The following ATR variants were observed in gnomAD, a reference collection of about 807,000 sequenced individuals.
ATR encodes serine/threonine-protein kinase ATR.
In ATR, 142 loss-of-function variants were observed where a neutral mutation model predicts 305.3. That is an observed-to-expected ratio of 0.47 (90% CI 0.41 to 0.53). ATR has a LOEUF of 0.53. Ranked by LOEUF, ATR falls within the 20% of genes least tolerant of loss-of-function variation. The pLI is 0.00. For missense variants in ATR, 2,135 were observed against 3,133.1 expected (o/e 0.68, Z 7.60); for synonymous variants, 1,050 against 1,068.1 (o/e 0.98, Z 0.33).
At chr3:142,523,816 T>C (rs1320703894) in intron 22 of ATR, among the ~76,000 whole-genome samples, 177 bp downstream of exon 22, 1 of 152,226 alleles carries the variant, frequency 6.6e-6, no homozygotes, top group Non-Finnish European at 1.5e-5. Context: ...TCAAACTTTA[T>C]TGCTTTTGGC....
chr3:142,520,708 C>T (rs1013220685), intron 23 of ATR, among the ~76,000 whole-genome samples: 124 of 151,780 alleles, frequency 8.2e-4, no homozygotes, highest in African/African-American at 2.8e-3. Context: ...TCAAGGGGCG[C>T]TTCTTAAAAA....
rs544406643 is a variant in ATR at position 142,517,637 on chromosome 3, C to T, written c.4382+2032G>A. Among the ~76,000 whole-genome samples the T allele has an allele frequency of 2.0e-5, 3 of 152,152 alleles. No individual in the cohort carries two copies. In the East Asian group the frequency reaches 5.8e-4, roughly 29 times the overall value. On this transcript the variant is annotated intron_variant, in intron 24 of 46. Coordinates refer to ENST00000350721, the MANE Select transcript of ATR (RefSeq NM_001184.4). ...TAACTTCCATCATTGAGGAACCATT[C>T]GAGAGGTTATTCTAACTGCTCAGGT...
intron 9 of ATR, 44 bp downstream of exon 9, chr3:142,556,338 CT>C (rs1362460317): frequency 2.5e-6 from 4 of 1,574,692 alleles, no homozygotes; most frequent in Non-Finnish European, 3.5e-6. Context: ...CAATTATGAT[CT>C]TTCCAATAGA....
At chr3:142,465,520 C>A (rs1005076204) in intron 40 of ATR, 17 of 197,490 alleles carry the variant, frequency 8.6e-5, no homozygotes, top group Non-Finnish European at 1.5e-4. Context: ...TTTAGACACC[C>A]CCCTTCAAAG....
At chr3:142,520,589 A>T (rs2033104697) in intron 23 of ATR, among the ~76,000 whole-genome samples, 1 of 152,226 alleles carries the variant, frequency 6.6e-6, no homozygotes, top group Non-Finnish European at 1.5e-5. Flanking sequence ...TAGCCACAAC[A>T]TTCCCTTAAG....
At position 142,465,214 on chromosome 3, in the gene ATR, T is replaced by A. The variant is rs1399530759; in HGVS notation, c.6924A>T (p.Lys2308Asn). 1 of 1,611,492 alleles carries A rather than the reference T, an allele frequency of 6.2e-7. No individual in the cohort carries two copies. The highest frequency in any genetic ancestry group is 8.5e-7 in the Non-Finnish European group (1 of 1,178,446). ...AGCCTTTTAAAGAAATCTTCTTTGG[T>A]TTCTGAAGAGAAGCAAGAATTTCCA... ...DMVEILASLQ[K>N]PKKISLKGSD... The change falls in exon 41 of 47, where the codon AAA (lysine) becomes AAT (asparagine). Residue 2308 changes from lysine (K) to asparagine (N), a missense_variant. Around this residue, in one of 9 missense-constraint regions of ATR, gnomAD observed 462 missense variants for 887.6 expected, o/e 0.52. Coordinates refer to ENST00000350721, the MANE Select transcript of ATR (RefSeq NM_001184.4).
chr3:142,461,277 T>C (rs1472660257), intron 42 of ATR, among the ~76,000 whole-genome samples: 1 of 152,148 alleles, frequency 6.6e-6, no homozygotes, highest in Non-Finnish European at 1.5e-5. Flanking sequence ...GCAATAATAA[T>C]TACTATAGTG....
intron 45 of ATR, among the ~76,000 whole-genome samples, chr3:142,453,460 G>A (rs1044789189): frequency 5.9e-5 from 9 of 152,162 alleles, no homozygotes; most frequent in Admixed American, 5.2e-4. Flanking sequence ...GTGTTTTGGA[G>A]AATAGAGTAA....
At position 142,509,904 on chromosome 3, in the gene ATR, G is replaced by A. The variant is rs142601079; in HGVS notation, c.4853-1795C>T. Among the ~76,000 whole-genome samples the A allele has an allele frequency of 2.4e-4, 36 of 152,140 alleles. No homozygotes were observed. The East Asian group carries it at 5.6e-3, about 24-fold the overall frequency. Reference sequence around the variant, plus strand: ...GCCAAGGCAGGTGGATCGCCTGAGCGCAGGAGTTTGGGACCACCCTGGGCA... The same window carrying A: ...GCCAAGGCAGGTGGATCGCCTGAGCACAGGAGTTTGGGACCACCCTGGGCA... On this transcript the variant is annotated intron_variant, in intron 27 of 46. Coordinates refer to ENST00000350721, the MANE Select transcript of ATR (RefSeq NM_001184.4).
chr3:142,537,083 G>A (rs1365329238), intron 19 of ATR, among the ~76,000 whole-genome samples: 3 of 152,000 alleles, frequency 2.0e-5, no homozygotes, highest in Non-Finnish European at 4.4e-5. Context: ...TAGTCACTGG[G>A]GATGGAACAA....
At chr3:142,468,531 C>A (rs1188520606) in intron 38 of ATR, among the ~76,000 whole-genome samples, 1 of 151,914 alleles carries the variant, frequency 6.6e-6, no homozygotes, top group East Asian at 1.9e-4. Flanking sequence ...AGAAAATATA[C>A]AAATAAAATT....
rs549100339 is a variant in ATR, at chr3:142,514,887, G to A, written c.4503+508C>T. Among the ~76,000 whole-genome samples the A allele has an allele frequency of 6.6e-5, 10 of 151,258 alleles. No individual in the cohort carries two copies. The East Asian group carries it at 1.9e-3, about 29-fold the overall frequency. ...TAAATATACTGTAAACATTTTCTTGGAACACAGAGTACCTTTTGTCTATCC... is the reference window on the plus strand; with the variant it reads ...TAAATATACTGTAAACATTTTCTTGAAACACAGAGTACCTTTTGTCTATCC... On this transcript the variant is annotated intron_variant, in intron 25 of 46. Coordinates refer to ENST00000350721, the MANE Select transcript of ATR (RefSeq NM_001184.4).
chr3:142,558,686 A>G lies in ATR; in HGVS notation c.1823T>C (p.Leu608Ser), dbSNP rs764422378. ...WIYSHSDDGC[L>S]KLTTFAANLL... The stretch of plus-strand genomic sequence containing the variant: ...ATTAGCGGCAAATGTGGTCAACTTT[A>G]AACAGCCATCATCAGAATGGGAATA... The change falls in exon 8 of 47, where the codon TTA (leucine) becomes TCA (serine). Residue 608 changes from leucine (L) to serine (S), a missense_variant. Physicochemically the swap from Leu to Ser is moderately radical, Grantham distance 145. This residue lies in a region of ATR where 744 missense variants were observed against 873.2 expected (regional missense o/e 0.85). Transcript: ENST00000350721. The G allele has an allele frequency of 6.2e-7, 1 of 1,613,434 alleles. No homozygotes were observed. The highest frequency in any genetic ancestry group is 8.5e-7 in the Non-Finnish European group (1 of 1,179,550).
At chr3:142,452,093 C>A (rs574953833) in intron 46 of ATR, 2 of 1,020,182 alleles carry the variant, frequency 2.0e-6, no homozygotes, top group Non-Finnish European at 2.4e-6. Context: ...TCTTTTAGTT[C>A]TTTTAGAAGA....
At position 142,496,408 on chromosome 3, in the gene ATR, G is replaced by A. The variant is rs758234545; in HGVS notation, c.5851C>T (p.Arg1951Ter). The change falls in exon 34 of 47, where the codon CGA becomes TGA. Residue 1951 changes from arginine (R) to a stop codon, truncating the protein, a stop_gained. Transcript: ENST00000350721. LOFTEE classifies it high-confidence loss of function. Reference protein sequence around the residue: ...YNALLNAGESRLAELYVERAK... With the variant: ...YNALLNAGES ...CTTTCCACGTACAGTTCAGCGAGTC[G>A]TGATTCCCCTGCATTAAGGAGAGCA... is the stretch of plus-strand genomic sequence containing the variant. 9.4e-6 allele frequency: 15 copies of A among 1,603,446 alleles called. No homozygotes were observed. Among genetic ancestry groups the A allele is most frequent in the East Asian group, 4.5e-5 (2 of 44,306 alleles).
intron 38 of ATR, among the ~76,000 whole-genome samples, chr3:142,468,992 T>G (rs2071193264): frequency 6.6e-6 from 1 of 151,980 alleles, no homozygotes; most frequent in Admixed American, 6.6e-5. Context: ...TCCTGTTTCT[T>G]AAGGGAAAAA....
rs767960733 is a variant in ATR, at chr3:142,560,238, C to T, written c.1541+25G>A. ...CAAGTTCATTACAGGAAACCCAACC[C>T]CAAGAAACAAGAAGTTTGTTTTACC... On this transcript the variant is annotated intron_variant, in intron 6 of 46. Coordinates refer to ENST00000350721, the MANE Select transcript of ATR (RefSeq NM_001184.4). 3.1e-6 allele frequency: 5 copies of T among 1,607,242 alleles called. No homozygotes were observed. In the Admixed American group the frequency reaches 8.3e-5, roughly 27 times the overall value.
At position 142,519,666 on chromosome 3, in the gene ATR, T is replaced by C; in HGVS notation, c.4382+3A>G. 4 of 1,593,136 alleles carry C rather than the reference T, an allele frequency of 2.5e-6. No individual in the cohort carries two copies. The highest frequency in any genetic ancestry group is 2.6e-6 in the Non-Finnish European group (3 of 1,160,978). On this transcript the variant is annotated splice_donor_region_variant and intron_variant, in intron 24 of 46. Coordinates refer to ENST00000350721, the MANE Select transcript of ATR (RefSeq NM_001184.4). ...TGAAAATACATTAAATAAGCCTACATACCTGGTATTTAGATGAGGTTCTAG... is the reference window on the plus strand; with the variant it reads ...TGAAAATACATTAAATAAGCCTACACACCTGGTATTTAGATGAGGTTCTAG...
chr3:142,507,855 A>G (rs2032337939), intron 28 of ATR, 76 bp downstream of exon 28: 4 of 1,356,196 alleles, frequency 2.9e-6, no homozygotes, highest in Non-Finnish European at 4.1e-6. Flanking sequence ...AAAACATTCA[A>G]TAAAATGAAC....
Sources: gnomAD v4.1 joint callset for allele counts (sites outside exome capture counted in the v4.1 genomes callset) on GRCh38, gnomAD v4.1.1 for gene constraint, gnomAD v4.1.1 regional missense constraint, MANE v1.5 for transcripts, NCBI Gene and HGNC (gene_info 2026-07-23, HGNC 2026-07-21) for gene names.